The following DMXL2 variants were observed in gnomAD, a reference collection of about 807,000 sequenced individuals.
DMXL2 encodes the protein dmX-like protein 2.
Under a neutral mutation model 331.1 loss-of-function variants are expected in DMXL2, and 103 were observed. The ratio of observed to expected loss-of-function variants is 0.31; its 90% CI spans 0.27 to 0.37. The LOEUF is 0.37. Ranked by LOEUF, DMXL2 falls within the 10% of genes least tolerant of loss-of-function variation. DMXL2 has a pLI of 1.00. For missense variants in DMXL2, 3,171 were observed against 3,642.9 expected (o/e 0.87, Z 3.33); for synonymous variants, 1,281 against 1,252.1 (o/e 1.02, Z -0.49).
In DMXL2 at chr15:51,499,139, C is replaced by G; in HGVS notation, c.4085G>C (p.Arg1362Pro). 1 of 1,614,086 alleles carries G rather than the reference C, an allele frequency of 6.2e-7. No individual in the cohort carries two copies. The highest frequency in any genetic ancestry group is 1.7e-5 in the Admixed American group (1 of 60,030). The change falls in exon 18 of 44, where the codon CGA (arginine) becomes CCA (proline). Residue 1362 changes from arginine to proline, a missense_variant. Transcript: ENST00000560891. ...LLELMDLGKV[R>P]RAKAILSHLV... ...ATGAGAGAGAATGGCTTTAGCCCTT[C>G]GCACTTTCCCTAAATCCATCAATTC...
intron 13 of DMXL2, among the ~76,000 whole-genome samples, 173 bp from the exon 14 acceptor site, chr15:51,517,340 A>C (rs556600225): frequency 6.6e-6 from 1 of 152,348 alleles, no homozygotes; most frequent in South Asian, 2.1e-4. Context: ...TGTTAAGTCT[A>C]AAGTTAAGCA....
chr15:51,609,987 C>G (rs578076756), intron 1 of DMXL2, among the ~76,000 whole-genome samples: 2 of 150,950 alleles, frequency 1.3e-5, no homozygotes, highest in African/African-American at 2.4e-5. Context: ...GATGTTTGCA[C>G]GACGATGAAA....
At chr15:51,450,011 T>C in intron 43 of DMXL2, 118 bp downstream of exon 43, 3 of 884,266 alleles carry the variant, frequency 3.4e-6, no homozygotes, top group Non-Finnish European at 5.2e-6. Context: ...ATATGCAGTA[T>C]CTCCATGCAG....
intron 39 of DMXL2, 48 bp from the exon 40 acceptor site, chr15:51,455,276 C>G: frequency 6.8e-7 from 1 of 1,477,190 alleles, no homozygotes; most frequent in Non-Finnish European, 9.5e-7. Flanking sequence ...GCATCCACAG[C>G]AAAGGTAAAA....
intron 1 of DMXL2, among the ~76,000 whole-genome samples, chr15:51,581,340 A>T (rs999862436): frequency 1.3e-5 from 2 of 152,150 alleles, no homozygotes; most frequent in African/African-American, 4.8e-5. Flanking sequence ...CTGTAGAAAA[A>T]CTGTCTTCCA....
At chr15:51,559,637 C>T (rs1034949800) in intron 6 of DMXL2, among the ~76,000 whole-genome samples, 9 of 152,090 alleles carry the variant, frequency 5.9e-5, no homozygotes, top group Non-Finnish European at 1.2e-4. Flanking sequence ...AGGAGGATCG[C>T]TTGAGCCCAG....
At chr15:51,578,930 C>T (rs2051226067) in intron 1 of DMXL2, among the ~76,000 whole-genome samples, 1 of 152,142 alleles carries the variant, frequency 6.6e-6, no homozygotes, top group South Asian at 2.1e-4. Flanking sequence ...CACAGTGAGA[C>T]TTCATCTCTA....
intron 7 of DMXL2, 76 bp from the exon 8 acceptor site, chr15:51,545,842 T>A: frequency 7.8e-7 from 1 of 1,280,484 alleles, no homozygotes; most frequent in South Asian, 1.5e-5. Flanking sequence ...TGGTTCTTCA[T>A]GCATAAAGAT....
intron 33 of DMXL2, among the ~76,000 whole-genome samples, chr15:51,461,797 C>T (rs7162412): frequency 0.45 from 67,974 of 152,038 alleles, 15,753 homozygotes; most frequent in Non-Finnish European, 0.5. Context: ...GGAGATCCCC[C>T]ACCTAGTGCT....
intron 33 of DMXL2, among the ~76,000 whole-genome samples, chr15:51,462,782 T>G (rs78930941): frequency 0.012 from 1,801 of 152,286 alleles, 37 homozygotes; most frequent in African/African-American, 0.042. Flanking sequence ...AAGAGGTCAC[T>G]TGCCAATCTC....
intron 1 of DMXL2, among the ~76,000 whole-genome samples, chr15:51,609,873 T>C (rs574064182): frequency 2.0e-5 from 3 of 150,906 alleles, no homozygotes; most frequent in Admixed American, 6.6e-5. Flanking sequence ...GAGGTTGCAG[T>C]GAGCAGAGAT....
chr15:51,539,420 G>GA (rs1011227978), intron 9 of DMXL2, among the ~76,000 whole-genome samples: 5 of 151,868 alleles, frequency 3.3e-5, no homozygotes, highest in African/African-American at 1.2e-4. Flanking sequence ...ATAAAATCAA[G>GA]AAAAAAACAC....
intron 1 of DMXL2, among the ~76,000 whole-genome samples, chr15:51,589,225 A>G (rs538939164): frequency 3.3e-5 from 5 of 152,368 alleles, no homozygotes; most frequent in Non-Finnish European, 5.9e-5. Context: ...AAATAAGGCA[A>G]CTATTAAGAA....
At chr15:51,534,303 T>C (rs1370275032) in intron 13 of DMXL2, among the ~76,000 whole-genome samples, 1 of 152,154 alleles carries the variant, frequency 6.6e-6, no homozygotes, top group East Asian at 1.9e-4. Flanking sequence ...AGAAACTTGA[T>C]AGGCACAGGG....
At chr15:51,459,501 G>A in intron 34 of DMXL2, 97 bp downstream of exon 34, 1 of 1,017,328 alleles carries the variant, frequency 9.8e-7, no homozygotes, top group South Asian at 1.3e-5. Flanking sequence ...TCTCTGAGTA[G>A]TTAGCCAGTT....
chr15:51,448,653 C>T lies in DMXL2; in HGVS notation c.*331G>A, dbSNP rs546376560. On this transcript the variant is annotated 3_prime_UTR_variant, in exon 44 of 44. Coordinates refer to ENST00000560891, the MANE Select transcript of DMXL2 (RefSeq NM_001378457.1). ...GAAAAACCCAAATCAGCAACATTTT[C>T]TTCCTTAATTTGGTATAAACGTCCT... is the stretch of plus-strand genomic sequence containing the variant. 3.3e-6 allele frequency: 1 copy of T among 298,682 alleles called. No individual in the cohort carries two copies. Among genetic ancestry groups the T allele is most frequent in the East Asian group, 7.6e-5 (1 of 13,118 alleles). The allele number at this position is 298,682 out of a possible 1,614,324, so 18.5% of individuals were successfully genotyped here. A position where few individuals can be genotyped will look rare whatever the true frequency, so the allele number is the denominator to read the frequency against.
At position 51,542,379 on chromosome 15, in the gene DMXL2, A is replaced by ATG; in HGVS notation, c.1058_1059insCA (p.Ala354MetfsTer37). 1 of 1,613,798 alleles carries ATG rather than the reference A, an allele frequency of 6.2e-7. No homozygotes were observed. The highest frequency in any genetic ancestry group is 8.5e-7 in the Non-Finnish European group (1 of 1,179,804). On this transcript the variant is annotated frameshift_variant, in exon 9 of 44. Coordinates refer to ENST00000560891, the MANE Select transcript of DMXL2 (RefSeq NM_001378457.1). LOFTEE classifies it high-confidence loss of function. ...CTGCAATATGAAAATGACAGAGTGC[A>ATG]TTTGCATGGTGGGAAATGTGTCTTT...
At chr15:51,582,718 A>G (rs964791129) in intron 1 of DMXL2, among the ~76,000 whole-genome samples, 4 of 152,288 alleles carry the variant, frequency 2.6e-5, no homozygotes, top group African/African-American at 9.6e-5. Flanking sequence ...AAGAAATTTC[A>G]CAAGTCACAT....
At chr15:51,588,865 T>C (rs1226459434) in intron 1 of DMXL2, among the ~76,000 whole-genome samples, 1 of 152,176 alleles carries the variant, frequency 6.6e-6, no homozygotes, top group African/African-American at 2.4e-5. Flanking sequence ...AAATGAAAGA[T>C]TTCAGCTAGA....
Sources: allele counts gnomAD v4.1 joint callset (sites outside exome capture counted in the v4.1 genomes callset), GRCh38; gene constraint gnomAD v4.1.1; transcripts MANE v1.5; gene names NCBI Gene and HGNC (gene_info 2026-07-23, HGNC 2026-07-21).